LUZP2: variants seen among roughly 807,000 people sequenced by gnomAD.
The protein encoded by LUZP2 is leucine zipper protein 2.
A neutral mutation model predicts 51.6 loss-of-function variants in LUZP2; 52 were observed. That is an observed-to-expected ratio of 1.01 (90% CI 0.81 to 1.27). The LOEUF (loss-of-function observed/expected upper bound fraction) is 1.27. Among genes scored for constraint, LUZP2 ranks in the 50% most tolerant of loss-of-function variants. LUZP2 has a pLI of 0.00. For synonymous variants in LUZP2, 154 were observed against 137.3 expected (o/e 1.12, Z -0.85); for missense variants, 436 against 395.4 (o/e 1.10, Z -0.87).
intron 5 of LUZP2, among the ~76,000 whole-genome samples, chr11:24,873,686 AT>A (rs1408581162): frequency 6.6e-6 from 1 of 151,976 alleles, no homozygotes; most frequent in East Asian, 1.9e-4. Flanking sequence ...ACTCCTTATT[AT>A]TTGGGAGACA....
intron 9 of LUZP2, 98 bp downstream of exon 9, chr11:24,983,391 T>C (rs1252176483): frequency 8.3e-6 from 10 of 1,205,966 alleles, no homozygotes. Flanking sequence ...TCAAGTATGA[T>C]AACAAATCCA....
At chr11:24,959,026 G>T (rs1311468131) in intron 7 of LUZP2, among the ~76,000 whole-genome samples, 3 of 152,050 alleles carry the variant, frequency 2.0e-5, no homozygotes, top group South Asian at 4.1e-4. Flanking sequence ...TTTCCCCATT[G>T]CTTGTTTTTC....
intron 5 of LUZP2, chr11:24,892,591 C>A: frequency 2.8e-6 from 1 of 355,616 alleles, no homozygotes; most frequent in Non-Finnish European, 3.9e-6. Context: ...TAGTCAAGTG[C>A]TAATCTCTTG....
At chr11:24,669,820 T>TA (rs1453076841) in intron 1 of LUZP2, among the ~76,000 whole-genome samples, 1 of 152,022 alleles carries the variant, frequency 6.6e-6, no homozygotes, top group Non-Finnish European at 1.5e-5. Flanking sequence ...TCATGAATCT[T>TA]AAAAAATCCT....
intron 1 of LUZP2, among the ~76,000 whole-genome samples, chr11:24,541,773 C>T (rs1851373063): frequency 6.6e-6 from 1 of 151,990 alleles, no homozygotes; most frequent in Admixed American, 6.6e-5. Flanking sequence ...TGATAGTACA[C>T]TGACAAGAAT....
intron 1 of LUZP2, among the ~76,000 whole-genome samples, chr11:24,665,813 C>A (rs958476889): frequency 3.9e-5 from 6 of 152,126 alleles, no homozygotes; most frequent in Admixed American, 3.9e-4. Flanking sequence ...GTCAATTAAA[C>A]CTCTTTCCTT....
chr11:24,982,019 T>C (rs930470385), intron 8 of LUZP2, among the ~76,000 whole-genome samples: 1 of 151,868 alleles, frequency 6.6e-6, no homozygotes. Flanking sequence ...AAGCTCAATA[T>C]CACTAATTAT....
intron 5 of LUZP2, among the ~76,000 whole-genome samples, chr11:24,828,572 A>C (rs1338666392): frequency 6.6e-6 from 1 of 152,030 alleles, no homozygotes; most frequent in Non-Finnish European, 1.5e-5. Context: ...AAAAAAAAAA[A>C]AAACATATCT....
chr11:25,042,342 G>A (rs1387329864), intron 9 of LUZP2, among the ~76,000 whole-genome samples: 1 of 151,906 alleles, frequency 6.6e-6, no homozygotes, highest in Non-Finnish European at 1.5e-5. Flanking sequence ...TTTAATTGAA[G>A]TTTTCATAAC....
intron 7 of LUZP2, among the ~76,000 whole-genome samples, chr11:24,973,061 T>TTTTG (rs2133899172): frequency 6.7e-6 from 1 of 150,270 alleles, no homozygotes; most frequent in African/African-American, 2.4e-5. Context: ...GTCCTGGGTT[T>TTTTG]TTTTTTTTTT....
At chr11:24,589,297 C>T (rs1424725207) in intron 1 of LUZP2, among the ~76,000 whole-genome samples, 1 of 152,070 alleles carries the variant, frequency 6.6e-6, no homozygotes, top group Non-Finnish European at 1.5e-5. Flanking sequence ...TGTGTGGTTT[C>T]CCTAGTTACC....
chr11:25,033,409 G>C (rs113201747), intron 9 of LUZP2, among the ~76,000 whole-genome samples: 14 of 131,844 alleles, frequency 1.1e-4, no homozygotes, highest in African/African-American at 3.2e-4. Flanking sequence ...AAACATGTTA[G>C]AATCAAAGGA....
intron 5 of LUZP2, among the ~76,000 whole-genome samples, chr11:24,816,932 G>A (rs75161742): frequency 0.018 from 2,740 of 152,094 alleles, 105 homozygotes; most frequent in East Asian, 0.18. Flanking sequence ...AAGCAAGAAA[G>A]AATTCATTTT....
At chr11:24,836,760 C>T (rs1348883674) in intron 5 of LUZP2, among the ~76,000 whole-genome samples, 1 of 151,738 alleles carries the variant, frequency 6.6e-6, no homozygotes, top group Non-Finnish European at 1.5e-5. Context: ...ATAATCTTGA[C>T]AACCAAAAGC....
chr11:24,800,869 C>A, intron 5 of LUZP2, among the ~76,000 whole-genome samples: 1 of 151,966 alleles, frequency 6.6e-6, no homozygotes, highest in East Asian at 1.9e-4. Context: ...TCATTGTAAC[C>A]TATTTTATTT....
intron 11 of LUZP2, among the ~76,000 whole-genome samples, chr11:25,077,745 C>T (rs971283129): frequency 7.9e-5 from 12 of 152,078 alleles, no homozygotes; most frequent in Non-Finnish European, 1.8e-4. Context: ...ATCCTCCTGC[C>T]TCAGCCTCCC....
intron 9 of LUZP2, among the ~76,000 whole-genome samples, chr11:25,039,922 T>A (rs1857988772): frequency 6.6e-6 from 1 of 152,176 alleles, no homozygotes; most frequent in Non-Finnish European, 1.5e-5. Flanking sequence ...TAGATATCAC[T>A]ACAGACACTT....
chr11:24,530,647 C>A (rs1432472053), intron 1 of LUZP2, among the ~76,000 whole-genome samples: 1 of 150,490 alleles, frequency 6.6e-6, no homozygotes, highest in Non-Finnish European at 1.5e-5. Flanking sequence ...TTATACACAA[C>A]TTTCTGTTTT....
At chr11:24,513,618 G>A (rs1850377836) in intron 1 of LUZP2, among the ~76,000 whole-genome samples, 1 of 152,036 alleles carries the variant, frequency 6.6e-6, no homozygotes, top group Non-Finnish European at 1.5e-5. Context: ...GGTTTTTCCT[G>A]TGTCTACTTT....
Sources: allele counts gnomAD v4.1 joint callset (sites outside exome capture counted in the v4.1 genomes callset), GRCh38; gene constraint gnomAD v4.1.1; transcripts MANE v1.5; gene names NCBI Gene and HGNC (gene_info 2026-07-23, HGNC 2026-07-21).